CFAP46: variants seen among roughly 807,000 people sequenced by gnomAD.
CFAP46 encodes the protein cilia and flagella associated protein 46, also known as cilia- and flagella-associated protein 46.
A neutral mutation model predicts 325.7 loss-of-function variants in CFAP46; 245 were observed. That is an observed-to-expected ratio of 0.75 (90% CI 0.68 to 0.84). The LOEUF (loss-of-function observed/expected upper bound fraction) is 0.84. Among genes scored for constraint, CFAP46 ranks in the 40% least tolerant of loss-of-function variants. The pLI, the probability that CFAP46 is intolerant of heterozygous loss-of-function variation, is 0.00. For synonymous variants in CFAP46, 1,523 were observed against 1,495.9 expected, an observed-to-expected ratio of 1.02 and a Z score of -0.42; for missense variants, 3,346 against 3,543.0, an observed-to-expected ratio of 0.94 and a Z score of 1.41.
At chr10:132,880,248 C>T (rs949600046) in intron 28 of CFAP46, among the ~76,000 whole-genome samples, 84 of 152,224 alleles carry the variant, frequency 5.5e-4, no homozygotes, top group African/African-American at 1.9e-3. Context: ...GTTTCTGCCC[C>T]GGGTCACCCT....
rs553698981 is a variant in CFAP46 at position 132,884,922 on chromosome 10, G to A, written c.3627+181C>T. ...ACCACTGAAACCAGCTCCATCCCTC[G>A]TCCCTGACTGGTCAGCAAGAGGAGT... On this transcript the variant is annotated intron_variant, in intron 27 of 57. Transcript: ENST00000368586. This position sits in a 1 kb window ranked among gnomAD's most constrained non-coding sequence, Gnocchi z 5.4. 2.0e-5 allele frequency among the ~76,000 whole-genome samples: 3 copies of A among 152,228 alleles called. No homozygotes were observed. Among genetic ancestry groups the A allele is most frequent in the South Asian group, 4.1e-4 (2 of 4,820 alleles).
chr10:132,905,639 C>T (rs746460957), intron 22 of CFAP46, among the ~76,000 whole-genome samples: 14 of 152,126 alleles, frequency 9.2e-5, no homozygotes, highest in Non-Finnish European at 1.9e-4. Flanking sequence ...CCACGTGGAA[C>T]GTTCTATTTT....
rs1482032132 is a variant in CFAP46 at position 132,822,666 on chromosome 10, C to T, written c.7118-7752G>A. Reference sequence around the variant, plus strand: ...TGTGCGCTGATGTGTGCTGTGTGTGCGCTTGTGTGTGCTGTGTGTGCTGAT... The same window carrying T: ...TGTGCGCTGATGTGTGCTGTGTGTGTGCTTGTGTGTGCTGTGTGTGCTGAT... On this transcript the variant is annotated intron_variant, in intron 50 of 57. Transcript: ENST00000368586. 4.3e-4 allele frequency among the ~76,000 whole-genome samples: 41 copies of T among 95,598 alleles called. 1 individual carries two copies. The highest frequency in any genetic ancestry group is 1.4e-3 in the African/African-American group (33 of 23,754). 62.7% of individuals were successfully genotyped at this position (95,598 alleles called of 152,430 possible).
At chr10:132,814,531 C>T (rs1364289095) in intron 53 of CFAP46, 46 bp downstream of exon 53, 1 of 1,547,634 alleles carries the variant, frequency 6.5e-7, no homozygotes, top group Non-Finnish European at 8.7e-7. Context: ...GGCAGGAGGC[C>T]CGAGGCTGGC....
rs1264148734 is a variant in CFAP46, at chr10:132,808,814, A to C, written c.7755T>G (p.Ala2585=). The change falls in exon 58 of 58, where the codon GCT becomes GCG. Residue 2585 remains alanine (A), a synonymous_variant. Transcript: ENST00000368586. This position sits in a 1 kb window ranked among gnomAD's most constrained non-coding sequence, Gnocchi z 6.8. The part of the protein sequence containing the change: ...SHHAQLGPVW[A]AAPSHRVVQA... Reference sequence around the variant, plus strand: ...GCACTACCCGATGGCTTGGTGCGGCAGCCCATACAGGACCAAGTTGAGCGT... The same window carrying C: ...GCACTACCCGATGGCTTGGTGCGGCCGCCCATACAGGACCAAGTTGAGCGT... 5 of 1,609,048 alleles carry C rather than the reference A, an allele frequency of 3.1e-6. No individual in the cohort carries two copies. The Admixed American group carries it at 6.7e-5, about 22-fold the overall frequency.
chr10:132,846,826 C>T lies in CFAP46; in HGVS notation c.6267+106G>A, dbSNP rs936939024. The T allele has an allele frequency of 1.2e-5, 16 of 1,385,732 alleles. No homozygotes were observed. The Admixed American group carries it at 1.7e-4, about 15-fold the overall frequency. 85.8% of individuals were successfully genotyped at this position (1,385,732 alleles called of 1,614,324 possible). A position where few individuals can be genotyped will look rare whatever the true frequency, so the allele number is the denominator to read the frequency against. Reference sequence around the variant, plus strand: ...CTGCTTAAGGACCCTGGCCTGCGGCCTGCTTCTCTAATGGAGTCCCCCCAA... The same window carrying T: ...CTGCTTAAGGACCCTGGCCTGCGGCTTGCTTCTCTAATGGAGTCCCCCCAA... On this transcript the variant is annotated intron_variant, in intron 43 of 57. Transcript: ENST00000368586.
At chr10:132,905,450 C>CTT (rs71013581) in intron 22 of CFAP46, among the ~76,000 whole-genome samples, 4,230 of 129,986 alleles carry the variant, frequency 0.033, 88 homozygotes, top group Middle Eastern at 0.084. Context: ...CATATCTTTC[C>CTT]TTTTTTTTTT....
chr10:132,922,797 G>A (rs1373156849), intron 11 of CFAP46, 89 bp from the exon 12 acceptor site: 14 of 1,056,728 alleles, frequency 1.3e-5, no homozygotes, highest in Non-Finnish European at 1.9e-5. Context: ...GCCTGCAGTG[G>A]CCCCAGAGTG....
At chr10:132,902,504 T>C (rs947351715) in intron 22 of CFAP46, among the ~76,000 whole-genome samples, 4 of 152,254 alleles carry the variant, frequency 2.6e-5, no homozygotes, top group Non-Finnish European at 5.9e-5. Context: ...ATCGGTTCCA[T>C]TCTTTATTGA....
intron 25 of CFAP46, among the ~76,000 whole-genome samples, chr10:132,887,659 CCT>C (rs1397499753): frequency 2.3e-5 from 2 of 88,512 alleles, no homozygotes; most frequent in Admixed American, 1.0e-4. Context: ...TCTCCTCTCT[CCT>C]CTTTCACCTC....
Position 132,919,805 on chromosome 10 carries a change from G to A in CFAP46, c.1730+254C>T, listed in dbSNP as rs1005899380. 1.3e-5 allele frequency among the ~76,000 whole-genome samples: 2 copies of A among 152,080 alleles called. No individual in the cohort carries two copies. The highest frequency in any genetic ancestry group is 6.5e-5 in the Admixed American group (1 of 15,280). ...TGGTCACAGGCGCTGCGTGTCCTCC[G>A]AGTGACAGCAGTGACAGGCGGGACA... On this transcript the variant is annotated intron_variant, in intron 14 of 57. Coordinates refer to ENST00000368586, the MANE Select transcript of CFAP46 (RefSeq NM_001200049.3). This position sits in a 1 kb window ranked among gnomAD's most constrained non-coding sequence, Gnocchi z 9.7.
chr10:132,876,932 C>T lies in CFAP46; in HGVS notation c.4242G>A (p.Leu1414=). ...CTTCTATGCTCATGGGTAAGTCTTC[C>T]AGTTGTTTGATAGGAGCTGGGCTTT... The part of the protein sequence containing the change: ...QSQSPAPIKQ[L]EDLPMSIEEW... Residue 1414 remains leucine (L), a synonymous_variant, in exon 31 of 58, where the codon CTG becomes CTA. Transcript: ENST00000368586. The surrounding 1 kb of genome is among the most constrained non-coding windows in gnomAD (Gnocchi z 4.1). 6.4e-7 allele frequency: 1 copy of T among 1,550,408 alleles called. No homozygotes were observed. The highest frequency in any genetic ancestry group is 1.4e-5 in the African/African-American group (1 of 73,104).
chr10:132,852,431 G>A lies in CFAP46; in HGVS notation c.5575-1126C>T, dbSNP rs78524998. Among the ~76,000 whole-genome samples, 9 of 108,528 alleles carry A rather than the reference G, an allele frequency of 8.3e-5. No homozygotes were observed. In the East Asian group the frequency reaches 2.5e-3, roughly 30 times the overall value. 71.2% of individuals were successfully genotyped at this position (108,528 alleles called of 152,430 possible). ...GTGGTATGTTCCTCCATTTACTTAG[G>A]AATTCTCAGATCCTGATCCACAGAC... is the stretch of plus-strand genomic sequence containing the variant. On this transcript the variant is annotated intron_variant, in intron 39 of 57. Coordinates refer to ENST00000368586, the MANE Select transcript of CFAP46 (RefSeq NM_001200049.3).
Position 132,835,396 on chromosome 10 carries a change from C to A in CFAP46, c.6652G>T (p.Ala2218Ser). Reference sequence around the variant, plus strand: ...GCACAGGCCAGCAGGTGGGAGAAGGCAGTGGGACTTATGGCCAGACGCATC... The same window carrying A: ...GCACAGGCCAGCAGGTGGGAGAAGGAAGTGGGACTTATGGCCAGACGCATC... ...KVMRLAISPT[A>S]FSHLLACAQQ... The change falls in exon 47 of 58, where the codon GCC (alanine) becomes TCC (serine). Residue 2218 changes from alanine (A) to serine (S), a missense_variant. By Grantham distance (99) the Ala-to-Ser change is moderately conservative. Coordinates refer to ENST00000368586, the MANE Select transcript of CFAP46 (RefSeq NM_001200049.3). The A allele has an allele frequency of 1.6e-5, 26 of 1,613,682 alleles. No individual in the cohort carries two copies. The highest frequency in any genetic ancestry group is 2.1e-5 in the Non-Finnish European group (25 of 1,179,942).
At chr10:132,887,240 CTT>C (rs1491316746) in intron 25 of CFAP46, among the ~76,000 whole-genome samples, 7 of 106,744 alleles carry the variant, frequency 6.6e-5, no homozygotes, top group South Asian at 6.6e-4. Flanking sequence ...CCTCTCCCCT[CTT>C]CTCTCTCCTC....
chr10:132,908,474 A>G lies in CFAP46; in HGVS notation c.2918T>C (p.Phe973Ser), dbSNP rs1461087667. 11 of 1,550,496 alleles carry G rather than the reference A, an allele frequency of 7.1e-6. No individual in the cohort carries two copies. Among genetic ancestry groups the G allele is most frequent in the African/African-American group, 1.4e-5 (1 of 73,162 alleles). The change falls in exon 22 of 58, where the codon TTT becomes TCT. Residue 973 changes from phenylalanine to serine, a missense_variant. Phe to Ser is a radical substitution (Grantham distance 155). Coordinates refer to ENST00000368586, the MANE Select transcript of CFAP46 (RefSeq NM_001200049.3). Reference protein sequence around the residue: ...LEMGIKYLKKFGPEESRLVAE... With the variant: ...LEMGIKYLKKSGPEESRLVAE... ...AGTCATGAGGGTTACTTACGGCCCA[A>G]ATTTCTTCAGGTACTTGATGCCCAT...
At chr10:132,899,346 T>C (rs572630902) in intron 23 of CFAP46, among the ~76,000 whole-genome samples, 189 bp downstream of exon 23, 1 of 152,190 alleles carries the variant, frequency 6.6e-6, no homozygotes, top group South Asian at 2.1e-4. Flanking sequence ...CCCAGGTGGG[T>C]ACAAGGGCAA....
rs866475195 is a variant in CFAP46 at position 132,864,226 on chromosome 10, T to C, written c.4890+1799A>G. Among the ~76,000 whole-genome samples the C allele has an allele frequency of 5.5e-3, 549 of 100,496 alleles. 13 individuals carry two copies. The highest frequency in any genetic ancestry group is 0.02 in the African/African-American group (480 of 23,820). 65.9% of individuals were successfully genotyped at this position (100,496 alleles called of 152,430 possible). A position where few individuals can be genotyped will look rare whatever the true frequency, so the allele number is the denominator to read the frequency against. ...CCCGCCTGAGACCTGCACACACCTG[T>C]CCCCCTGACACCTGCACACACCCGT... On this transcript the variant is annotated intron_variant, in intron 35 of 57. Transcript: ENST00000368586.
At chr10:132,925,136 G>A (rs1175163269) in intron 10 of CFAP46, among the ~76,000 whole-genome samples, 4 of 151,426 alleles carry the variant, frequency 2.6e-5, no homozygotes, top group African/African-American at 7.3e-5. Context: ...CCTCCCCCGT[G>A]TGGACTCAGC....
Sources: gnomAD v4.1 joint callset for allele counts (sites outside exome capture counted in the v4.1 genomes callset) on GRCh38, gnomAD v4.1.1 for gene constraint, Gnocchi (gnomAD v3.1) non-coding constraint, MANE v1.5 for transcripts, NCBI Gene and HGNC (gene_info 2026-07-23, HGNC 2026-07-21) for gene names.